Variants in ASPM observed in about 807,000 individuals in gnomAD.
The protein encoded by ASPM is abnormal spindle-like microcephaly-associated protein.
A neutral mutation model predicts 366.4 loss-of-function variants in ASPM; 256 were observed. The observed-to-expected ratio is 0.70, with a 90% CI of 0.63 to 0.77. The LOEUF (loss-of-function observed/expected upper bound fraction) is 0.77. Ranked by LOEUF, ASPM falls within the 30% of genes least tolerant of loss-of-function variation. The pLI is 0.00. For synonymous variants in ASPM, 1,414 were observed against 1,342.9 expected (o/e 1.05, Z -1.16); for missense variants, 4,146 against 4,090.4 (o/e 1.01, Z -0.37).
intron 13 of ASPM, 105 bp downstream of exon 13, chr1:197,124,005 A>G: frequency 1.0e-6 from 1 of 979,322 alleles, no homozygotes; most frequent in Non-Finnish European, 1.5e-6. Flanking sequence ...GCTTACACAG[A>G]TGAACTAAGA....
At position 197,103,283 on chromosome 1, in the gene ASPM, ACTT is replaced by A. The variant is rs1184704940; in HGVS notation, c.5965_5967del (p.Lys1989del). 5.0e-6 allele frequency: 8 copies of A among 1,612,926 alleles called. No individual in the cohort carries two copies. The South Asian group carries it at 5.5e-5, about 11-fold the overall frequency. On this transcript the variant is annotated inframe_deletion, in exon 18 of 28. Transcript: ENST00000367409. The stretch of plus-strand genomic sequence containing the variant: ...AGAGCAGCTTTTTTCATGATTTTCC[ACTT>A]CTTTTGTTGCACATGCATTCTATAG...
At chr1:197,093,482 T>C (rs1417809488) in intron 20 of ASPM, among the ~76,000 whole-genome samples, 1 of 151,762 alleles carries the variant, frequency 6.6e-6, no homozygotes, top group Non-Finnish European at 1.5e-5. Context: ...GGTCAATAGA[T>C]ACCTGGTGCT....
At chr1:197,139,644 C>G in intron 4 of ASPM, 123 bp downstream of exon 4, 1 of 839,044 alleles carries the variant, frequency 1.2e-6, no homozygotes, top group Non-Finnish European at 2.0e-6. Context: ...TTTTAATACA[C>G]ACTTTAACAA....
At chr1:197,130,181 A>G (rs1186934544) in intron 7 of ASPM, 125 bp from the exon 8 acceptor site, 28 of 999,510 alleles carry the variant, frequency 2.8e-5, no homozygotes, top group Non-Finnish European at 9.1e-6. Context: ...TGACATGGTT[A>G]TTTGCTAAAT....
chr1:197,122,666 A>G, intron 13 of ASPM, 71 bp from the exon 14 acceptor site: 1 of 1,377,316 alleles, frequency 7.3e-7, no homozygotes, highest in African/African-American at 1.4e-5. Context: ...TTTGCAGAAT[A>G]CCTGTGAATA....
At chr1:197,129,631 C>A (rs1307639264) in intron 8 of ASPM, among the ~76,000 whole-genome samples, 3 of 152,052 alleles carry the variant, frequency 2.0e-5, no homozygotes, top group African/African-American at 7.2e-5. Context: ...ATGCAGGCAC[C>A]ATCGTAGGTG....
intron 3 of ASPM, among the ~76,000 whole-genome samples, chr1:197,141,882 GACTT>G (rs756710155): frequency 3.7e-4 from 57 of 152,130 alleles, no homozygotes; most frequent in Admixed American, 9.8e-4. Context: ...CACTCTTGGT[GACTT>G]ACTTGCCTCT....
intron 5 of ASPM, 34 bp downstream of exon 5, chr1:197,135,062 T>C (rs771826934): frequency 9.3e-6 from 13 of 1,397,566 alleles, no homozygotes; most frequent in Non-Finnish European, 1.3e-5. Flanking sequence ...CTGTTAAAAG[T>C]ATTATTAAAT....
chr1:197,088,417 A>T lies in ASPM; in HGVS notation c.10000T>A (p.Ser3334Thr), dbSNP rs765377527. The change falls in exon 26 of 28, where the codon TCA becomes ACA. Residue 3334 changes from serine to threonine, a missense_variant. Around this residue, in one of 3 missense-constraint regions of ASPM, gnomAD observed 3,624 missense variants for 3,591.7 expected, o/e 1.01. Coordinates refer to ENST00000367409, the MANE Select transcript of ASPM (RefSeq NM_018136.5). ...LNVSKYEKTTSAVYDVENCID... is the reference protein window; with the variant it reads ...LNVSKYEKTTTAVYDVENCID... ...CAATTTTCTACATCATAAACTGCTG[A>T]AGTAGTTTTCTCATACTTGAAGAGA... is the stretch of plus-strand genomic sequence containing the variant. 3 of 1,602,962 alleles carry T rather than the reference A, an allele frequency of 1.9e-6. No homozygotes were observed. Among genetic ancestry groups the T allele is most frequent in the South Asian group, 2.2e-5 (2 of 90,746 alleles).
chr1:197,141,121 A>G (rs1158820994), intron 3 of ASPM, among the ~76,000 whole-genome samples: 1 of 152,188 alleles, frequency 6.6e-6, no homozygotes, highest in Non-Finnish European at 1.5e-5. Context: ...CCCCATGCAA[A>G]ACCCTCCCTA....
intron 23 of ASPM, 149 bp downstream of exon 23, chr1:197,090,701 G>A: frequency 1.4e-6 from 1 of 730,022 alleles, no homozygotes; most frequent in South Asian, 1.9e-5. Context: ...GCTTAGCAAT[G>A]AAATTATGGT....
At chr1:197,145,856 AT>A (rs1658758824) in intron 1 of ASPM, among the ~76,000 whole-genome samples, 1 of 150,316 alleles carries the variant, frequency 6.7e-6, no homozygotes, top group African/African-American at 2.5e-5. Context: ...ATATATATAT[AT>A]ATATATATAT....
At position 197,117,771 on chromosome 1, in the gene ASPM, T is replaced by C. The variant is rs768550095; in HGVS notation, c.4065+18A>G. 1 of 1,585,920 alleles carries C rather than the reference T, an allele frequency of 6.3e-7. No homozygotes were observed. ...ATTAAAATTTTTTAAATTCAAAAAT[T>C]AGTCCAGGATACTATACCTGAATAA... On this transcript the variant is annotated intron_variant, in intron 17 of 27. Coordinates refer to ENST00000367409, the MANE Select transcript of ASPM (RefSeq NM_018136.5).
At chr1:197,113,624 T>C (rs900868530) in intron 17 of ASPM, among the ~76,000 whole-genome samples, 2 of 152,062 alleles carry the variant, frequency 1.3e-5, no homozygotes, top group Admixed American at 6.6e-5. Flanking sequence ...ACACTCCTTA[T>C]ATAATACACA....
At position 197,101,389 on chromosome 1, in the gene ASPM, ATC is replaced by A. The variant is rs199422174; in HGVS notation, c.7860_7861del (p.Gln2620HisfsTer16). 2 of 1,608,866 alleles carry A rather than the reference ATC, an allele frequency of 1.2e-6. No individual in the cohort carries two copies. Among genetic ancestry groups the A allele is most frequent in the South Asian group, 1.1e-5 (1 of 91,002 alleles). Reference sequence around the variant, plus strand: ...AATGGCAGCCTGGTGCTGTTCCTGAATCTGTTTTTTTATGTTCATGTCCTGAA... The same window carrying A: ...AATGGCAGCCTGGTGCTGTTCCTGAATGTTTTTTTATGTTCATGTCCTGAA... On this transcript the variant is annotated frameshift_variant, in exon 18 of 28. Transcript: ENST00000367409. LOFTEE classifies it high-confidence loss of function.
chr1:197,110,387 C>T (rs1657545669), intron 17 of ASPM, among the ~76,000 whole-genome samples: 1 of 151,952 alleles, frequency 6.6e-6, no homozygotes, highest in East Asian at 1.9e-4. Context: ...TGAACATTGA[C>T]CTAACCCTTA....
chr1:197,090,453 T>A (rs915046044), intron 23 of ASPM, 65 bp from the exon 24 acceptor site: 43 of 1,227,110 alleles, frequency 3.5e-5, no homozygotes, highest in African/African-American at 1.1e-4. Context: ...TATCTACATC[T>A]GTTTTCACAA....
At chr1:197,097,762 TA>T (rs923562030) in intron 18 of ASPM, among the ~76,000 whole-genome samples, 4 of 151,690 alleles carry the variant, frequency 2.6e-5, no homozygotes, top group African/African-American at 4.8e-5. Flanking sequence ...TGGTTAATGG[TA>T]ACACTGCATC....
chr1:197,122,194 G>A lies in ASPM; in HGVS notation c.3706C>T (p.His1236Tyr), dbSNP rs773708236. 16 of 1,611,940 alleles carry A rather than the reference G, an allele frequency of 9.9e-6. No homozygotes were observed. The highest frequency in any genetic ancestry group is 1.3e-5 in the African/African-American group (1 of 74,868). ...GGAATTGTATTTGACATATCTGAAT[G>A]ATTAATCATAGCAGGTATTCCACCA... Reference protein sequence around the residue: ...DLGGIPAMINHSDMSNTIPDE... With the variant: ...DLGGIPAMINYSDMSNTIPDE... The change falls in exon 15 of 28, where the codon CAT becomes TAT. Residue 1236 changes from histidine to tyrosine, a missense_variant. His to Tyr is a moderately conservative substitution (Grantham distance 83, BLOSUM62 2). Coordinates refer to ENST00000367409, the MANE Select transcript of ASPM (RefSeq NM_018136.5).
Sources: allele counts gnomAD v4.1 joint callset (sites outside exome capture counted in the v4.1 genomes callset), GRCh38; gene constraint gnomAD v4.1.1; regional missense constraint gnomAD v4.1.1; transcripts MANE v1.5; gene names NCBI Gene and HGNC (gene_info 2026-07-23, HGNC 2026-07-21).